Variants in FLNA observed in about 807,000 individuals in gnomAD.
FLNA encodes filamin-A.
Under a neutral mutation model 157.6 loss-of-function variants are expected in FLNA, and 7 were observed. The ratio of observed to expected loss-of-function variants is 0.04; its 90% confidence interval spans 0.03 to 0.08. The LOEUF (loss-of-function observed/expected upper bound fraction) is 0.08. Among genes scored for constraint, FLNA ranks in the 10% least tolerant of loss-of-function variants. FLNA has a pLI of 1.00. For missense variants in FLNA, 1,750 were observed against 2,398.4 expected, an observed-to-expected ratio of 0.73 and a Z score of 5.65; for synonymous variants, 1,103 against 1,060.8, an observed-to-expected ratio of 1.04 and a Z score of -0.77.
intron 2 of FLNA, among the ~76,000 whole-genome samples, chrX:154,369,485 G>A (rs781953069): frequency 8.9e-6 from 1 of 112,093 alleles, no homozygotes; most frequent in East Asian, 2.8e-4. Context: ...GAGACTGTCT[G>A]GCTGGATGGC....
At chrX:154,357,162 G>T in intron 30 of FLNA, 89 bp downstream of exon 30, 2 of 916,345 alleles carry the variant, frequency 2.2e-6, no homozygotes, top group Non-Finnish European at 3.1e-6. Context: ...GCTGCAGCTG[G>T]AACTGTCCTG....
At position 154,358,937 on chromosome X, in the gene FLNA, A is replaced by G. The variant is rs1188353340; in HGVS notation, c.4474+47T>C. ...CAGTTTCCTTTCCCGGCCCTCAAAC[A>G]GGACACTGCCCTCCTGACCCCTGGC... On this transcript the variant is annotated intron_variant, in intron 26 of 47. Transcript: ENST00000369850. 5 of 1,192,419 alleles carry G rather than the reference A, an allele frequency of 4.2e-6. 1 individual carries two copies. The highest frequency in any genetic ancestry group is 5.7e-6 in the Non-Finnish European group (5 of 881,503).
At chrX:154,366,287 G>A in intron 8 of FLNA, 21 bp downstream of exon 8, 1 of 1,211,103 alleles carries the variant, frequency 8.3e-7, no homozygotes, top group African/African-American at 1.7e-5. Context: ...GACCAGCTGG[G>A]CCTTGGCAGC....
chrX:154,371,462 T>G, intron 1 of FLNA, 101 bp from the exon 2 acceptor site: 66 of 365,013 alleles, frequency 1.8e-4, no homozygotes, highest in Middle Eastern at 8.0e-4. Flanking sequence ...AGGGCGCGCC[T>G]GCCCCACCCC....
rs1557175387 is a variant in FLNA at position 154,349,820 on chromosome X, C to A, written c.7381G>T (p.Ala2461Ser). The change falls in exon 46 of 48, where the codon GCC becomes TCC. Residue 2461 changes from alanine (A) to serine (S), a missense_variant. Ala to Ser is a moderately conservative substitution (Grantham distance 99, BLOSUM62 1). Around this residue, in one of 5 missense-constraint regions of FLNA, gnomAD observed 970 missense variants for 1,302.6 expected, o/e 0.74. Transcript: ENST00000369850. ...GGGCCGTCAATGGTCACCGACAGGG[C>A]ACCAGCTCCCGCATTGCTCGTGTTC... ...VVNTSNAGAG[A>S]LSVTIDGPSK... The A allele has an allele frequency of 1.7e-6, 2 of 1,211,532 alleles. No homozygotes were observed. Among genetic ancestry groups the A allele is most frequent in the East Asian group, 3.0e-5 (1 of 33,861 alleles).
chrX:154,368,540 G>A (rs1261378395), intron 2 of FLNA, among the ~76,000 whole-genome samples: 1 of 112,343 alleles, frequency 8.9e-6, no homozygotes, highest in East Asian at 2.8e-4. Flanking sequence ...GACCTGGAGT[G>A]GGGCTGGGGC....
At chrX:154,368,312 GACAC>G (rs1306676433) in intron 2 of FLNA, among the ~76,000 whole-genome samples, 15 of 111,589 alleles carry the variant, frequency 1.3e-4, no homozygotes, top group Admixed American at 1.1e-3. Flanking sequence ...GATACACACA[GACAC>G]ACACACACGA....
chrX:154,357,676 C>A (rs1557177133), intron 28 of FLNA, 53 bp from the exon 29 acceptor site: 9 of 1,112,811 alleles, frequency 8.1e-6, no homozygotes, highest in Non-Finnish European at 1.1e-5. Flanking sequence ...TAGCCCCGGG[C>A]CTGCCTCAGG....
rs782745205 is a variant in FLNA, at chrX:154,353,179, C to T, written c.6048G>A (p.Thr2016=). Residue 2016 remains threonine (T), a synonymous_variant, in exon 38 of 48, where the codon ACG becomes ACA. Coordinates refer to ENST00000369850, the MANE Select transcript of FLNA (RefSeq NM_001110556.2). ...HVGISFVPKE[T]GEHLVHVKKN... Reference sequence around the variant, plus strand: ...TCTTCACATGCACCAGGTGCTCCCCCGTCTCCTTGGGCACGAATGAAATCC... The same window carrying T: ...TCTTCACATGCACCAGGTGCTCCCCTGTCTCCTTGGGCACGAATGAAATCC... 32 of 1,210,322 alleles carry T rather than the reference C, an allele frequency of 2.6e-5. No individual in the cohort carries two copies. Among genetic ancestry groups the T allele is most frequent in the Admixed American group, 4.4e-5 (2 of 45,910 alleles).
intron 1 of FLNA, 46 bp from the exon 2 acceptor site, chrX:154,371,407 A>AG (rs2067807406): frequency 6.5e-6 from 3 of 459,086 alleles, no homozygotes; most frequent in South Asian, 4.2e-5. Flanking sequence ...GGGCGGGGCC[A>AG]GAGGGCGGGC....
intron 30 of FLNA, among the ~76,000 whole-genome samples, chrX:154,356,451 CATCGG>C (rs2067663564): frequency 8.9e-6 from 1 of 112,124 alleles, no homozygotes; most frequent in Non-Finnish European, 1.9e-5. Flanking sequence ...GTCACACACA[CATCGG>C]ATCCTACGGC....
chrX:154,356,991 A>G (rs2067667871), intron 30 of FLNA, among the ~76,000 whole-genome samples: 1 of 111,656 alleles, frequency 9.0e-6, no homozygotes. Context: ...CCTCACCCCA[A>G]AGCTCTCAGC....
chrX:154,354,223 T>C lies in FLNA; in HGVS notation c.5485A>G (p.Thr1829Ala). The change falls in exon 34 of 48, where the codon ACC becomes GCC. Residue 1829 changes from threonine (T) to alanine (A), a missense_variant. This residue lies in a region of FLNA where 970 missense variants were observed against 1,302.6 expected (regional missense o/e 0.74). Transcript: ENST00000369850. ...GCCTCGCTGGGTGCATACCGCACGG[T>C]CACGGTGCCGTCTTTGTTGTCAGTG... ...TITDNKDGTV[T>A]VRYAPSEAGL... 1 of 1,211,644 alleles carries C rather than the reference T, an allele frequency of 8.3e-7. No homozygotes were observed. The highest frequency in any genetic ancestry group is 1.1e-6 in the Non-Finnish European group (1 of 895,571).
Position 154,366,465 on chromosome X carries a change from A to G in FLNA, c.1071T>C (p.Thr357=), listed in dbSNP as rs1557179291. The part of the protein sequence containing the change: ...VPEVTGTHKV[T]VLFAGQHIAK... ...CGATGTGCTGGCCAGCAAAGAGCAC[A>G]GTAACCTGTCCCCAGAAGGGTGGGC... is the stretch of plus-strand genomic sequence containing the variant. Residue 357 remains threonine, a synonymous_variant, in exon 8 of 48, where the codon ACT becomes ACC. Coordinates refer to ENST00000369850, the MANE Select transcript of FLNA (RefSeq NM_001110556.2). 5 of 1,210,204 alleles carry G rather than the reference A, an allele frequency of 4.1e-6. No individual in the cohort carries two copies. In the Admixed American group the frequency reaches 6.5e-5, roughly 16 times the overall value.
At chrX:154,355,300 C>T (rs1301209643) in intron 30 of FLNA, among the ~76,000 whole-genome samples, 1 of 113,579 alleles carries the variant, frequency 8.8e-6, no homozygotes, top group Non-Finnish European at 1.9e-5. Flanking sequence ...GGGAGAGGCC[C>T]GACAGTAGCA....
At chrX:154,369,439 C>G (rs782350303) in intron 2 of FLNA, among the ~76,000 whole-genome samples, 28 of 112,506 alleles carry the variant, frequency 2.5e-4, no homozygotes, top group African/African-American at 8.7e-4. Flanking sequence ...ATCCCCCTCC[C>G]AAAAGAGAGA....
rs375898586 is a variant in FLNA, at chrX:154,362,784, C to T, written c.2281G>A (p.Val761Met). Residue 761 changes from valine (V) to methionine (M), a missense_variant and splice_region_variant, in exon 16 of 48, where the codon GTG becomes ATG. By Grantham distance (21) the Val-to-Met change is conservative. Transcript: ENST00000369850. ...GGGTGGCTGCCAGCTCCCACATTCA[C>T]CTGCAGGGCACAGGGGCAAGGGCAA... Reference protein sequence around the residue: ...GVSIPNSPFRVNVGAGSHPNK... With the variant: ...GVSIPNSPFRMNVGAGSHPNK... 15 of 1,196,611 alleles carry T rather than the reference C, an allele frequency of 1.3e-5. No individual in the cohort carries two copies. Among genetic ancestry groups the T allele is most frequent in the East Asian group, 3.0e-5 (1 of 33,192 alleles).
rs1488336515 is a variant in FLNA, at chrX:154,367,831, C to T, written c.622+11G>A. ...CCCAGCCCAGTCTCTCCTGCCTCTGCGCCCCCTCACCCGGGGCACAGCTGT... is the reference window on the plus strand; with the variant it reads ...CCCAGCCCAGTCTCTCCTGCCTCTGTGCCCCCTCACCCGGGGCACAGCTGT... On this transcript the variant is annotated intron_variant, in intron 3 of 47. Transcript: ENST00000369850. 5 of 1,208,783 alleles carry T rather than the reference C, an allele frequency of 4.1e-6. No individual in the cohort carries two copies. Among genetic ancestry groups the T allele is most frequent in the South Asian group, 1.8e-5 (1 of 56,854 alleles).
intron 2 of FLNA, among the ~76,000 whole-genome samples, chrX:154,370,437 C>A (rs1401012775): frequency 8.9e-6 from 1 of 112,470 alleles, no homozygotes; most frequent in African/African-American, 3.2e-5. Context: ...CGAGCTCCAA[C>A]CCACACTTCA....
Sources: allele counts gnomAD v4.1 joint callset (sites outside exome capture counted in the v4.1 genomes callset), GRCh38; gene constraint gnomAD v4.1.1; regional missense constraint gnomAD v4.1.1; transcripts MANE v1.5; gene names NCBI Gene and HGNC (gene_info 2026-07-23, HGNC 2026-07-21).